Variants in RTN3 observed in about 807,000 individuals in gnomAD.
The protein encoded by RTN3 is reticulon-3.
In RTN3, 49 loss-of-function variants were observed where a neutral mutation model predicts 77.8. The observed-to-expected ratio is 0.63, with a 90% CI of 0.50 to 0.80. The LOEUF is 0.80. RTN3 is among the 30% of genes least tolerant of loss of function. RTN3 has a pLI of 0.00. For synonymous variants in RTN3, 464 were observed against 446.9 expected, an observed-to-expected ratio of 1.04 and a Z score of -0.48; for missense variants, 1,236 against 1,211.9, an observed-to-expected ratio of 1.02 and a Z score of -0.29.
chr11:63,728,527 A>T (rs2012437517), intron 3 of RTN3, among the ~76,000 whole-genome samples: 1 of 152,148 alleles, frequency 6.6e-6, no homozygotes, highest in Non-Finnish European at 1.5e-5. Context: ...CTGAGTTTTC[A>T]CCCTTTCCTA....
At chr11:63,742,277 C>T (rs1292837926) in intron 3 of RTN3, among the ~76,000 whole-genome samples, 5 of 150,802 alleles carry the variant, frequency 3.3e-5, no homozygotes, top group African/African-American at 1.2e-4. Flanking sequence ...CCGCGCCTTG[C>T]CTGGCTCTTC....
At chr11:63,721,680 TATC>T (rs1025465968) in intron 3 of RTN3, among the ~76,000 whole-genome samples, 1 of 152,110 alleles carries the variant, frequency 6.6e-6, no homozygotes, top group Admixed American at 6.6e-5. Flanking sequence ...GAGAATCTAA[TATC>T]ATCAGGTTCT....
Position 63,721,014 on chromosome 11 carries a change from C to T in RTN3, c.2512C>T (p.Leu838Phe). The change falls in exon 3 of 9, where the codon CTT (leucine) becomes TTT (phenylalanine). Residue 838 changes from leucine (L) to phenylalanine (F), a missense_variant. Physicochemically the swap from Leu to Phe is conservative, Grantham distance 22. Transcript: ENST00000377819. ...GGTAAAAAAGCATGTCCTAGCAAGA[C>T]TTCTGACAGACTTCTCAGGTAACCA... ...ELVKKHVLAR[L>F]LTDFSVHDLI... 1 of 1,596,890 alleles carries T rather than the reference C, an allele frequency of 6.3e-7. No individual in the cohort carries two copies. The highest frequency in any genetic ancestry group is 8.5e-7 in the Non-Finnish European group (1 of 1,169,884).
intron 2 of RTN3, among the ~76,000 whole-genome samples, chr11:63,710,997 G>C (rs1184509306): frequency 6.6e-6 from 1 of 152,148 alleles, no homozygotes; most frequent in African/African-American, 2.4e-5. Context: ...AAAATTTACT[G>C]GCTGGGTGTG....
At chr11:63,735,550 T>TTCTCTCTCTCTCTCCCTCTC (rs2013036497) in intron 3 of RTN3, among the ~76,000 whole-genome samples, 1 of 42,686 alleles carries the variant, frequency 2.3e-5, no homozygotes, top group African/African-American at 9.0e-5. Context: ...ATTCTAACAT[T>TTCTCTCTCTCTCTCCCTCTC]TCTCTCTCTC....
chr11:63,721,753 AT>A (rs1284923674), intron 3 of RTN3, among the ~76,000 whole-genome samples: 1 of 152,006 alleles, frequency 6.6e-6, no homozygotes, highest in African/African-American at 2.4e-5. Context: ...TAGCACTTGG[AT>A]TTTTTGATAT....
intron 1 of RTN3, 90 bp downstream of exon 1, chr11:63,681,868 C>A (rs907765412): frequency 2.3e-6 from 3 of 1,331,890 alleles, no homozygotes; most frequent in African/African-American, 3.0e-5. Context: ...GGGAGGAGGA[C>A]GAATTACCCT....
chr11:63,727,472 G>A (rs905872790), intron 3 of RTN3, among the ~76,000 whole-genome samples: 5 of 149,620 alleles, frequency 3.3e-5, no homozygotes, highest in Admixed American at 2.0e-4. Flanking sequence ...CCTAGAAATC[G>A]AAACAAAAAA....
intron 2 of RTN3, among the ~76,000 whole-genome samples, chr11:63,707,275 C>T (rs142078349): frequency 1.3e-5 from 2 of 152,104 alleles, no homozygotes; most frequent in African/African-American, 4.8e-5. Flanking sequence ...GCTTACATAC[C>T]TAATGTATAA....
At chr11:63,734,430 A>T (rs1395671784) in intron 3 of RTN3, among the ~76,000 whole-genome samples, 1 of 149,640 alleles carries the variant, frequency 6.7e-6, no homozygotes, top group African/African-American at 2.5e-5. Flanking sequence ...ATGGGTAACA[A>T]ATCAAGACTG....
intron 1 of RTN3, among the ~76,000 whole-genome samples, chr11:63,690,704 A>G (rs973745896): frequency 2.6e-5 from 4 of 152,234 alleles, no homozygotes; most frequent in African/African-American, 7.2e-5. Flanking sequence ...TCACTGCTCT[A>G]CAGAAACTTT....
chr11:63,707,006 C>G (rs1040122898), intron 2 of RTN3, among the ~76,000 whole-genome samples: 26 of 151,224 alleles, frequency 1.7e-4, no homozygotes, highest in African/African-American at 5.8e-4. Flanking sequence ...TCAAGCAGTT[C>G]TCTCGCCTCA....
chr11:63,693,273 C>T (rs1399650143), intron 1 of RTN3, among the ~76,000 whole-genome samples: 2 of 152,166 alleles, frequency 1.3e-5, no homozygotes, highest in East Asian at 3.9e-4. Flanking sequence ...CACCTGAGGT[C>T]AGGAGTTCGA....
At chr11:63,704,620 TA>T (rs796256585) in intron 1 of RTN3, among the ~76,000 whole-genome samples, 2,816 of 139,558 alleles carry the variant, frequency 0.02, 76 homozygotes, top group African/African-American at 0.061. Flanking sequence ...AATGTTTGAC[TA>T]AAAAAAAAAA....
chr11:63,709,584 TAAA>T (rs35947507), intron 2 of RTN3, among the ~76,000 whole-genome samples: 5 of 148,688 alleles, frequency 3.4e-5, no homozygotes, highest in African/African-American at 9.9e-5. Flanking sequence ...AGCCTTTTTT[TAAA>T]AAAAAAAAAA....
At chr11:63,747,893 T>C (rs1237164849) in intron 3 of RTN3, among the ~76,000 whole-genome samples, 1 of 152,164 alleles carries the variant, frequency 6.6e-6, no homozygotes, top group Non-Finnish European at 1.5e-5. Context: ...AGTGAGAAAT[T>C]ACCAGGACTT....
At chr11:63,741,242 G>T (rs619313) in intron 3 of RTN3, among the ~76,000 whole-genome samples, 3 of 149,464 alleles carry the variant, frequency 2.0e-5, no homozygotes. Flanking sequence ...CGCTCTTGTC[G>T]CCCAGGCTGC....
Position 63,720,617 on chromosome 11 carries a change from CATTGGAAGCAA to C in RTN3, c.2118_2128del (p.Gly707GlnfsTer2). The stretch of plus-strand genomic sequence containing the variant: ...AGTCCGGTGGTTCTGAAATTAAAGA[CATTGGAAGCAA>C]ATACAGTGAACAAAGCAAAGAAACA... On this transcript the variant is annotated frameshift_variant, in exon 3 of 9. Coordinates refer to ENST00000377819, the MANE Select transcript of RTN3 (RefSeq NM_001265589.2). LOFTEE classifies it high-confidence loss of function. The C allele has an allele frequency of 6.2e-7, 1 of 1,613,852 alleles. No homozygotes were observed. The highest frequency in any genetic ancestry group is 2.2e-5 in the East Asian group (1 of 44,878).
chr11:63,720,357 GT>G lies in RTN3; in HGVS notation c.1860del (p.Phe620LeufsTer8). 6.2e-7 allele frequency: 1 copy of G among 1,614,044 alleles called. No homozygotes were observed. Among genetic ancestry groups the G allele is most frequent in the Non-Finnish European group, 8.5e-7 (1 of 1,179,972 alleles). On this transcript the variant is annotated frameshift_variant, in exon 3 of 9. Transcript: ENST00000377819. LOFTEE classifies it high-confidence loss of function. ...PKLPSTVSPNVFNETEFSLNV... is the reference protein window; with the variant it reads ...PKLPSTVSPNXFNETEFSLNV... ...ACTTCCTTCAACAGTGTCTCCAAATGTTTTTAATGAGACAGAATTCTCATTA... is the reference window on the plus strand; with the variant it reads ...ACTTCCTTCAACAGTGTCTCCAAATGTTTTAATGAGACAGAATTCTCATTA...
Sources: allele counts gnomAD v4.1 joint callset (sites outside exome capture counted in the v4.1 genomes callset), GRCh38; gene constraint gnomAD v4.1.1; transcripts MANE v1.5; gene names NCBI Gene and HGNC (gene_info 2026-07-23, HGNC 2026-07-21).